Variants in RBFOX2 observed in about 807,000 individuals in gnomAD.
RBFOX2 encodes the protein RNA binding protein fox-1 homolog 2.
Under a neutral mutation model 49.1 loss-of-function variants are expected in RBFOX2, and 10 were observed. The observed-to-expected ratio is 0.20, with a 90% CI of 0.13 to 0.35. The LOEUF (loss-of-function observed/expected upper bound fraction) is 0.35. Among genes scored for constraint, RBFOX2 ranks in the 10% least tolerant of loss-of-function variants. The pLI is 1.00. For missense variants in RBFOX2, 323 were observed against 486.9 expected (o/e 0.66, Z 3.17); for synonymous variants, 183 against 187.4 (o/e 0.98, Z 0.19).
chr22:35,767,191 C>T (rs917298675), intron 5 of RBFOX2, among the ~76,000 whole-genome samples: 4 of 151,834 alleles, frequency 2.6e-5, no homozygotes, highest in Non-Finnish European at 4.4e-5. Flanking sequence ...AAAATCCAGG[C>T]GGCATTACTC....
chr22:35,984,321 T>TA (rs1383163887), intron 1 of RBFOX2, among the ~76,000 whole-genome samples: 1 of 152,188 alleles, frequency 6.6e-6, no homozygotes, highest in Non-Finnish European at 1.5e-5. Flanking sequence ...AGTTGGCTAA[T>TA]ATTGAGAACC....
intron 1 of RBFOX2, among the ~76,000 whole-genome samples, chr22:35,877,665 A>C (rs2045314552): frequency 6.6e-6 from 1 of 152,246 alleles, no homozygotes; most frequent in South Asian, 2.1e-4. Flanking sequence ...ATGGTAACTT[A>C]TCCAATGTCA....
chr22:35,770,118 C>T (rs1225719163), intron 4 of RBFOX2, among the ~76,000 whole-genome samples: 1 of 151,928 alleles, frequency 6.6e-6, no homozygotes, highest in Non-Finnish European at 1.5e-5. Context: ...TAAAAGGGCA[C>T]ATTAATAATT....
At chr22:36,016,292 A>G (rs1411878124) in intron 1 of RBFOX2, among the ~76,000 whole-genome samples, 1 of 152,054 alleles carries the variant, frequency 6.6e-6, no homozygotes, top group Non-Finnish European at 1.5e-5. Context: ...GGCCACATTC[A>G]GACACCCCCA....
chr22:35,803,630 T>C (rs1950165770), intron 2 of RBFOX2, among the ~76,000 whole-genome samples: 3 of 152,102 alleles, frequency 2.0e-5, no homozygotes, highest in African/African-American at 4.8e-5. Context: ...TGAGCTGTGA[T>C]TACACCTCTG....
intron 1 of RBFOX2, among the ~76,000 whole-genome samples, chr22:35,890,960 G>A (rs1364089716): frequency 6.6e-6 from 1 of 151,984 alleles, no homozygotes; most frequent in Non-Finnish European, 1.5e-5. Flanking sequence ...GTACAATAGG[G>A]ATAATGATAC....
chr22:35,919,127 C>T (rs1256167738), intron 1 of RBFOX2, among the ~76,000 whole-genome samples: 1 of 152,168 alleles, frequency 6.6e-6, no homozygotes, highest in African/African-American at 2.4e-5. Flanking sequence ...ACACAAGGGA[C>T]CACATATTCT....
intron 1 of RBFOX2, among the ~76,000 whole-genome samples, chr22:35,926,267 C>A (rs1381542895): frequency 6.6e-6 from 1 of 152,188 alleles, no homozygotes; most frequent in Non-Finnish European, 1.5e-5. Flanking sequence ...GTAGTACTAA[C>A]CGCTACAGCA....
upstream of RBFOX2, among the ~76,000 whole-genome samples, chr22:35,844,045 T>C (rs1026959063): frequency 2.0e-5 from 3 of 152,230 alleles, no homozygotes; most frequent in Non-Finnish European, 4.4e-5. Context: ...CTATTCTTTT[T>C]CCCTTGAATA....
At chr22:35,777,928 G>T in intron 4 of RBFOX2, 97 bp downstream of exon 5, 1 of 1,254,472 alleles carries the variant, frequency 8.0e-7, no homozygotes, top group Non-Finnish European at 1.1e-6. Flanking sequence ...TTTTATGCAG[G>T]CTTGAAAACA....
chr22:35,742,909 T>G, exon 12 of RBFOX2: 1 of 153,066 alleles, frequency 6.5e-6, no homozygotes, highest in Non-Finnish European at 1.5e-5. Flanking sequence ...GGGGTGTTTT[T>G]GGAGGACAGT....
At chr22:35,746,284 G>A (rs748542309) in intron 10 of RBFOX2, among the ~76,000 whole-genome samples, 189 bp downstream of exon 12, 1 of 152,218 alleles carries the variant, frequency 6.6e-6, no homozygotes, top group South Asian at 2.1e-4. Context: ...AGGGAGTGGA[G>A]GACAGAGTCG....
intron 1 of RBFOX2, among the ~76,000 whole-genome samples, chr22:35,971,845 T>C (rs1016673349): frequency 6.8e-6 from 1 of 146,092 alleles, no homozygotes; most frequent in Non-Finnish European, 1.5e-5. Flanking sequence ...CTTTGTACTG[T>C]AGCAGGCCCA....
chr22:35,953,183 C>G (rs941773658), intron 1 of RBFOX2, among the ~76,000 whole-genome samples: 43 of 141,966 alleles, frequency 3.0e-4, no homozygotes, highest in African/African-American at 1.1e-3. Context: ...TGCGCTCCAG[C>G]CTGGGCGACA....
intron 1 of RBFOX2, among the ~76,000 whole-genome samples, chr22:35,872,373 T>A (rs1045098234): frequency 2.6e-5 from 4 of 152,112 alleles, no homozygotes; most frequent in African/African-American, 9.7e-5. Flanking sequence ...TAGTTTGCCG[T>A]CTATAGGCGA....
intron 5 of RBFOX2, among the ~76,000 whole-genome samples, chr22:35,767,561 C>T (rs532805899): frequency 5.9e-5 from 9 of 152,096 alleles, no homozygotes; most frequent in African/African-American, 2.2e-4. Flanking sequence ...AGTTAACCTT[C>T]GATGTGTTAT....
At chr22:35,833,879 C>T (rs918766195) in intron 1 of RBFOX2, among the ~76,000 whole-genome samples, 2 of 151,846 alleles carry the variant, frequency 1.3e-5, no homozygotes, top group South Asian at 4.2e-4. Flanking sequence ...ACAGTATGTG[C>T]TCTGCATTAT....
intron 1 of RBFOX2, among the ~76,000 whole-genome samples, chr22:35,853,340 A>T (rs888067089): frequency 1.6e-4 from 25 of 151,824 alleles, no homozygotes; most frequent in African/African-American, 6.0e-4. Flanking sequence ...TTGTTTAATA[A>T]TGTGTTATAG....
intron 1 of RBFOX2, among the ~76,000 whole-genome samples, chr22:35,986,263 C>G (rs777744845): frequency 6.6e-6 from 1 of 152,040 alleles, no homozygotes; most frequent in Admixed American, 6.6e-5. Flanking sequence ...GGCAAGATGC[C>G]CCAAAGACAC....
Sources: gnomAD v4.1 joint callset for allele counts (sites outside exome capture counted in the v4.1 genomes callset) on GRCh38, gnomAD v4.1.1 for gene constraint, MANE v1.5 for transcripts, NCBI Gene and HGNC (gene_info 2026-07-23, HGNC 2026-07-21) for gene names.